The following RHBDD1 variants were observed in gnomAD, a reference collection of about 807,000 sequenced individuals.
The protein encoded by RHBDD1 is rhomboid-related protein 4.
Under a neutral mutation model 36.3 loss-of-function variants are expected in RHBDD1, and 38 were observed. The observed-to-expected ratio is 1.05, with a 90% CI of 0.81 to 1.37. The LOEUF is 1.37. RHBDD1 is among the 40% of genes most tolerant of loss of function. The pLI, the probability that RHBDD1 is intolerant of heterozygous loss-of-function variation, is 0.00. For missense variants in RHBDD1, 393 were observed against 377.6 expected (o/e 1.04, Z -0.34); for synonymous variants, 151 against 136.5 (o/e 1.11, Z -0.74).
chr2:226,974,583 T>C (rs560638807), intron 8 of RHBDD1, among the ~76,000 whole-genome samples: 1 of 152,334 alleles, frequency 6.6e-6, no homozygotes, highest in African/African-American at 2.4e-5. Flanking sequence ...TTAACTTCTT[T>C]AGAGTCACTT....
intron 8 of RHBDD1, among the ~76,000 whole-genome samples, chr2:226,920,077 G>A (rs957112827): frequency 4.6e-5 from 7 of 151,474 alleles, no homozygotes; most frequent in Admixed American, 2.6e-4. Flanking sequence ...TATTTTACTT[G>A]TAGCTATTTT....
Position 226,956,193 on chromosome 2 carries a change from G to A in RHBDD1, c.857-39238G>A, listed in dbSNP as rs79763118. ...TGGTGTCCCCTCTGGGAGTCCCACT[G>A]TGAGTGAGTGGGACTTGCTCAACTT... On this transcript the variant is annotated intron_variant, in intron 8 of 8. Coordinates refer to ENST00000392062, the MANE Select transcript of RHBDD1 (RefSeq NM_001167608.3). Among the ~76,000 whole-genome samples the A allele has an allele frequency of 1.2e-3, 176 of 152,216 alleles. 1 individual carries two copies. The East Asian group carries it at 0.03, about 26-fold the overall frequency.
chr2:226,841,471 A>T (rs1300461343), intron 3 of RHBDD1, among the ~76,000 whole-genome samples: 1 of 152,126 alleles, frequency 6.6e-6, no homozygotes, highest in East Asian at 1.9e-4. Context: ...CCTCCCTGAC[A>T]GGCCCCAGTG....
upstream of RHBDD1, among the ~76,000 whole-genome samples, chr2:226,834,218 G>A (rs1026378333): frequency 2.6e-5 from 4 of 152,182 alleles, no homozygotes; most frequent in South Asian, 2.1e-4. Context: ...GAGAATAGAA[G>A]ATAAGATTAA....
chr2:226,898,901 A>G (rs1454506577), intron 5 of RHBDD1, among the ~76,000 whole-genome samples: 3 of 152,120 alleles, frequency 2.0e-5, no homozygotes, highest in African/African-American at 7.2e-5. Context: ...TTGTTCCTTT[A>G]CCTTGTCCAA....
intron 3 of RHBDD1, among the ~76,000 whole-genome samples, chr2:226,855,554 G>A (rs888465712): frequency 6.6e-6 from 1 of 152,206 alleles, no homozygotes; most frequent in African/African-American, 2.4e-5. Context: ...GAAAGATACA[G>A]CCAGTTGTCA....
intron 8 of RHBDD1, among the ~76,000 whole-genome samples, chr2:226,934,192 A>G (rs1364376093): frequency 6.6e-6 from 1 of 152,166 alleles, no homozygotes; most frequent in Non-Finnish European, 1.5e-5. Flanking sequence ...CTATGTTTAG[A>G]TACACAAATA....
intron 3 of RHBDD1, among the ~76,000 whole-genome samples, chr2:226,861,288 G>T (rs1943829662): frequency 6.6e-6 from 1 of 152,166 alleles, no homozygotes; most frequent in South Asian, 2.1e-4. Context: ...GAAACGGGTT[G>T]GAAGGAGGAG....
chr2:226,950,681 G>A (rs562723572), intron 8 of RHBDD1, among the ~76,000 whole-genome samples: 3 of 152,268 alleles, frequency 2.0e-5, no homozygotes, highest in African/African-American at 7.2e-5. Flanking sequence ...ATTCTAACAA[G>A]TGTGAGGTAG....
At chr2:226,981,590 T>C (rs899722595) in intron 8 of RHBDD1, among the ~76,000 whole-genome samples, 4 of 144,816 alleles carry the variant, frequency 2.8e-5, no homozygotes, top group African/African-American at 1.2e-4. Flanking sequence ...ACACACACTT[T>C]CTCTAATGGG....
At chr2:226,936,564 A>T in intron 8 of RHBDD1, among the ~76,000 whole-genome samples, 1 of 152,128 alleles carries the variant, frequency 6.6e-6, no homozygotes, top group Non-Finnish European at 1.5e-5. Flanking sequence ...GCTGATGAGA[A>T]GATTTAACAA....
At chr2:226,922,960 T>A (rs898538256) in intron 8 of RHBDD1, among the ~76,000 whole-genome samples, 1 of 152,250 alleles carries the variant, frequency 6.6e-6, no homozygotes, top group Non-Finnish European at 1.5e-5. Flanking sequence ...TTTCTACTTA[T>A]ATTTTATTAT....
the RHBDD1 span, among the ~76,000 whole-genome samples, chr2:226,830,344 A>T: frequency 6.6e-6 from 1 of 152,114 alleles, no homozygotes; most frequent in South Asian, 2.1e-4. Flanking sequence ...TCTGCCCATG[A>T]TGCTTTGTCA....
At chr2:226,922,831 C>T (rs1304056189) in intron 8 of RHBDD1, among the ~76,000 whole-genome samples, 1 of 151,944 alleles carries the variant, frequency 6.6e-6, no homozygotes, top group African/African-American at 2.4e-5. Context: ...TTAATATGAC[C>T]TTTTTTTAAA....
At chr2:226,827,831 A>G in the RHBDD1 span, among the ~76,000 whole-genome samples, 1 of 152,170 alleles carries the variant, frequency 6.6e-6, no homozygotes, top group Non-Finnish European at 1.5e-5. Context: ...TCAAAAGAAT[A>G]ATTTCTTGAG....
At chr2:226,927,261 T>C (rs1197367384) in intron 8 of RHBDD1, among the ~76,000 whole-genome samples, 1 of 152,184 alleles carries the variant, frequency 6.6e-6, no homozygotes, top group East Asian at 1.9e-4. Flanking sequence ...TATTCATCTC[T>C]TTCTATTAAC....
At chr2:226,873,301 A>G (rs73085807) in intron 5 of RHBDD1, among the ~76,000 whole-genome samples, 5,464 of 152,258 alleles carry the variant, frequency 0.036, 334 homozygotes, top group African/African-American at 0.12. Flanking sequence ...CCTCAACTCA[A>G]CGTCCCTTTA....
chr2:226,990,821 G>A (rs1012517945), intron 8 of RHBDD1, among the ~76,000 whole-genome samples: 1 of 152,158 alleles, frequency 6.6e-6, no homozygotes, highest in African/African-American at 2.4e-5. Flanking sequence ...GCTTCTTTGA[G>A]TAAAATTGAG....
chr2:226,924,821 G>T (rs1949563841), intron 8 of RHBDD1, among the ~76,000 whole-genome samples: 1 of 152,216 alleles, frequency 6.6e-6, no homozygotes. Context: ...CAATCACTGT[G>T]CTCTCCCTCC....
Sources: gnomAD v4.1 joint callset for allele counts (sites outside exome capture counted in the v4.1 genomes callset) on GRCh38, gnomAD v4.1.1 for gene constraint, MANE v1.5 for transcripts, NCBI Gene and HGNC (gene_info 2026-07-23, HGNC 2026-07-21) for gene names.